Variants in UQCC1 observed in about 807,000 individuals in gnomAD.
The protein encoded by UQCC1 is ubiquinol-cytochrome c reductase complex assembly factor 1.
Under a neutral mutation model 48.0 loss-of-function variants are expected in UQCC1, and 38 were observed. That is an observed-to-expected ratio of 0.79 (90% CI 0.61 to 1.04). The LOEUF is 1.04. Among genes scored for constraint, UQCC1 ranks in the 50% least tolerant of loss-of-function variants. UQCC1 has a pLI of 0.00. For synonymous variants in UQCC1, 111 were observed against 129.2 expected, an observed-to-expected ratio of 0.86 and a Z score of 0.95; for missense variants, 368 against 381.8, an observed-to-expected ratio of 0.96 and a Z score of 0.30.
At chr20:35,324,541 T>A (rs930471470) in intron 7 of UQCC1, among the ~76,000 whole-genome samples, 2 of 152,182 alleles carry the variant, frequency 1.3e-5, no homozygotes, top group Non-Finnish European at 2.9e-5. Context: ...TTAGCCAGGA[T>A]GGTCTCGATC....
At chr20:35,346,845 C>T (rs1383855545) in intron 7 of UQCC1, 11 of 751,556 alleles carry the variant, frequency 1.5e-5, no homozygotes, top group Admixed American at 2.9e-5. Flanking sequence ...GTATAGTATC[C>T]TTAACTGGAT....
chr20:35,352,373 C>T (rs2061498533), intron 6 of UQCC1, among the ~76,000 whole-genome samples: 1 of 152,154 alleles, frequency 6.6e-6, no homozygotes. Flanking sequence ...GGACTTTGCT[C>T]AGCAGAGAGT....
chr20:35,340,392 T>C lies in UQCC1; in HGVS notation c.573+6772A>G, dbSNP rs1230514972. ...CCTTCTCTCCCCTAATAACTGACTATCCACTCCAACAGCTCAGGCCATTTT... is the reference window on the plus strand; with the variant it reads ...CCTTCTCTCCCCTAATAACTGACTACCCACTCCAACAGCTCAGGCCATTTT... On this transcript the variant is annotated intron_variant, in intron 7 of 9. Transcript: ENST00000374385. Among the ~76,000 whole-genome samples, 5 of 152,366 alleles carry C rather than the reference T, an allele frequency of 3.3e-5. No individual in the cohort carries two copies. In the East Asian group the frequency reaches 9.6e-4, roughly 29 times the overall value.
At chr20:35,309,292 C>A (rs1178371981) in intron 8 of UQCC1, 3 of 414,112 alleles carry the variant, frequency 7.2e-6, no homozygotes, top group South Asian at 1.7e-5. Flanking sequence ...ATTAGCCAGG[C>A]ATGGTGGCAC....
chr20:35,302,614 T>C lies in UQCC1; in HGVS notation c.*1321A>G, dbSNP rs1442741231. The C allele has an allele frequency of 1.3e-5, 2 of 152,350 alleles. No individual in the cohort carries two copies. The highest frequency in any genetic ancestry group is 3.9e-4 in the East Asian group (2 of 5,188). 9.4% of individuals were successfully genotyped at this position (152,350 alleles called of 1,614,324 possible). On this transcript the variant is annotated 3_prime_UTR_variant, in exon 10 of 10. Transcript: ENST00000374385. Reference sequence around the variant, plus strand: ...CAGTAAAGTTTATTTTGGTGCATGGTATACTTCACTCCATTAAAAATAAAT... The same window carrying C: ...CAGTAAAGTTTATTTTGGTGCATGGCATACTTCACTCCATTAAAAATAAAT...
chr20:35,345,371 G>A (rs2061421088), intron 7 of UQCC1: 1 of 152,220 alleles, frequency 6.6e-6, no homozygotes, highest in African/African-American at 2.4e-5. Flanking sequence ...ATTGAATTGG[G>A]TTAGAGGACA....
chr20:35,373,835 T>C (rs1208083321), intron 5 of UQCC1, among the ~76,000 whole-genome samples: 1 of 152,142 alleles, frequency 6.6e-6, no homozygotes, highest in African/African-American at 2.4e-5. Flanking sequence ...AAGCAAAATG[T>C]TTTATTTATA....
chr20:35,407,011 A>C (rs2062261213), intron 1 of UQCC1, among the ~76,000 whole-genome samples: 1 of 152,252 alleles, frequency 6.6e-6, no homozygotes, highest in South Asian at 2.1e-4. Flanking sequence ...TACACAAATT[A>C]GCTCAAAATG....
chr20:35,406,066 C>T (rs2062246371), intron 1 of UQCC1, among the ~76,000 whole-genome samples: 1 of 151,156 alleles, frequency 6.6e-6, no homozygotes, highest in South Asian at 2.1e-4. Flanking sequence ...TTAGTAGCCT[C>T]AAAATGAAAA....
chr20:35,371,876 C>T (rs561776591), intron 5 of UQCC1, among the ~76,000 whole-genome samples: 40 of 151,688 alleles, frequency 2.6e-4, no homozygotes, highest in Admixed American at 2.6e-3. Flanking sequence ...ATGACCCAGG[C>T]ATAATGGCAT....
At chr20:35,326,443 G>A (rs901126319) in intron 7 of UQCC1, among the ~76,000 whole-genome samples, 2 of 152,212 alleles carry the variant, frequency 1.3e-5, no homozygotes, top group Non-Finnish European at 1.5e-5. Flanking sequence ...TGTCTCCTAT[G>A]TTGTGGTAAT....
At chr20:35,369,089 C>T (rs1423225390) in intron 5 of UQCC1, among the ~76,000 whole-genome samples, 1 of 152,228 alleles carries the variant, frequency 6.6e-6, no homozygotes, top group Non-Finnish European at 1.5e-5. Flanking sequence ...TACATCAAAG[C>T]TTCTCAGCAG....
At chr20:35,410,342 G>T (rs2062330667) in intron 1 of UQCC1, among the ~76,000 whole-genome samples, 1 of 150,888 alleles carries the variant, frequency 6.6e-6, no homozygotes, top group Non-Finnish European at 1.5e-5. Flanking sequence ...GACCAGTCTG[G>T]CCAACATGGT....
intron 9 of UQCC1, among the ~76,000 whole-genome samples, chr20:35,305,724 G>A (rs2060921245): frequency 6.6e-6 from 1 of 152,248 alleles, no homozygotes; most frequent in South Asian, 2.1e-4. Flanking sequence ...GTCTTCTCAA[G>A]AGCTGAAGTC....
At chr20:35,391,416 GT>G (rs1006947523) in intron 2 of UQCC1, among the ~76,000 whole-genome samples, 2 of 152,140 alleles carry the variant, frequency 1.3e-5, no homozygotes, top group Non-Finnish European at 2.9e-5. Flanking sequence ...GAGGTCAGGA[GT>G]TTGAGACCAG....
chr20:35,403,549 T>C (rs2062200621), intron 1 of UQCC1, among the ~76,000 whole-genome samples: 1 of 152,122 alleles, frequency 6.6e-6, no homozygotes, highest in Admixed American at 6.5e-5. Context: ...TTCCCAGACA[T>C]CCCATTACTG....
intron 7 of UQCC1, among the ~76,000 whole-genome samples, chr20:35,331,291 T>A (rs2089810850): frequency 6.6e-6 from 1 of 151,996 alleles, no homozygotes; most frequent in Non-Finnish European, 1.5e-5. Context: ...CCTTTTATTA[T>A]TCTGATCAAA....
chr20:35,379,679 G>A (rs541225766), intron 4 of UQCC1, among the ~76,000 whole-genome samples: 2 of 152,194 alleles, frequency 1.3e-5, no homozygotes, highest in South Asian at 2.1e-4. Flanking sequence ...GGTGGCATGC[G>A]CCTGTAGTCC....
chr20:35,309,453 C>T (rs1296259809), intron 8 of UQCC1, among the ~76,000 whole-genome samples: 1 of 151,848 alleles, frequency 6.6e-6, no homozygotes, highest in Non-Finnish European at 1.5e-5. Flanking sequence ...AAAAGAATAG[C>T]TGAATAAATC....
Sources: allele counts gnomAD v4.1 joint callset (sites outside exome capture counted in the v4.1 genomes callset), GRCh38; gene constraint gnomAD v4.1.1; transcripts MANE v1.5; gene names NCBI Gene and HGNC (gene_info 2026-07-23, HGNC 2026-07-21).